Variants in ATP11C observed in about 807,000 individuals in gnomAD.
ATP11C encodes ATPase phospholipid transporting 11C (ATP11C blood group).
ATP11C carries 36 observed loss-of-function variants against 97.4 expected under a neutral mutation model. That is an observed-to-expected ratio of 0.37 (90% CI 0.28 to 0.49). The LOEUF is 0.49. Among genes scored for constraint, ATP11C ranks in the 20% least tolerant of loss-of-function variants. The probability of loss-of-function intolerance (pLI) is 0.98; values close to 1 mark genes in which losing one functional copy is unlikely to be tolerated. For missense variants in ATP11C, 730 were observed against 824.6 expected, an observed-to-expected ratio of 0.89 and a Z score of 1.40; for synonymous variants, 275 against 290.9, an observed-to-expected ratio of 0.95 and a Z score of 0.56.
chrX:139,817,090 A>C (rs1351846341), intron 3 of ATP11C, 147 bp from the exon 4 acceptor site: 1 of 346,237 alleles, frequency 2.9e-6, no homozygotes, highest in Non-Finnish European at 5.1e-6. Context: ...TTAAAACAAA[A>C]GCAAACTACA....
intron 19 of ATP11C, among the ~76,000 whole-genome samples, chrX:139,769,759 T>A (rs1184367184): frequency 9.0e-6 from 1 of 111,183 alleles, no homozygotes; most frequent in Admixed American, 9.6e-5. Context: ...GTTATCTAAT[T>A]TAATGATACT....
intron 22 of ATP11C, among the ~76,000 whole-genome samples, chrX:139,760,810 G>A (rs2082023042): frequency 9.0e-6 from 1 of 111,703 alleles, no homozygotes; most frequent in Non-Finnish European, 1.9e-5. Context: ...ATTAAATTGG[G>A]TGAGAAAAAT....
intron 1 of ATP11C, among the ~76,000 whole-genome samples, chrX:139,902,028 C>T (rs1450631692): frequency 9.0e-6 from 1 of 111,429 alleles, no homozygotes; most frequent in Non-Finnish European, 1.9e-5. Context: ...AAAAGTCAAA[C>T]TGGGGACTGC....
intron 1 of ATP11C, among the ~76,000 whole-genome samples, chrX:139,850,741 C>T (rs2083976804): frequency 9.1e-6 from 1 of 109,970 alleles, no homozygotes; most frequent in Non-Finnish European, 1.9e-5. Context: ...GGTGAAACCC[C>T]GTCTACTAAA....
At chrX:139,849,517 G>A (rs1160353047) in intron 1 of ATP11C, among the ~76,000 whole-genome samples, 4 of 111,145 alleles carry the variant, frequency 3.6e-5, no homozygotes, top group Non-Finnish European at 7.5e-5. Flanking sequence ...CACATGGTAG[G>A]AGCTCAATAA....
At chrX:139,915,779 G>A (rs2085146181) in intron 1 of ATP11C, among the ~76,000 whole-genome samples, 1 of 112,245 alleles carries the variant, frequency 8.9e-6, no homozygotes, top group Non-Finnish European at 1.9e-5. Flanking sequence ...AGTACGTTAA[G>A]TACTTTGAAA....
intron 18 of ATP11C, among the ~76,000 whole-genome samples, chrX:139,775,876 C>T (rs755939172): frequency 4.4e-5 from 5 of 112,724 alleles, no homozygotes; most frequent in African/African-American, 1.6e-4. Flanking sequence ...CTAGGGGAAT[C>T]TCTGCCCTTG....
Position 139,885,845 on chromosome X carries a change from C to T in ATP11C, c.27+46171G>A, listed in dbSNP as rs188275884. Among the ~76,000 whole-genome samples the T allele has an allele frequency of 5.0e-3, 557 of 110,559 alleles. 3 individuals are homozygous for T. The highest frequency in any genetic ancestry group is 9.2e-3 in the Middle Eastern group (2 of 217). On this transcript the variant is annotated intron_variant, in intron 1 of 29. Coordinates refer to ENST00000682941, the MANE Select transcript of ATP11C (RefSeq NM_001353812.2). Reference sequence around the variant, plus strand: ...TCAGCTAACTAGAAATCAAAAGAAACTTCCTCAACCTGGTAAAGAGCATCT... The same window carrying T: ...TCAGCTAACTAGAAATCAAAAGAAATTTCCTCAACCTGGTAAAGAGCATCT...
intron 13 of ATP11C, 109 bp downstream of exon 13, chrX:139,789,218 A>C (rs982379393): frequency 5.6e-5 from 36 of 647,427 alleles, no homozygotes; most frequent in Non-Finnish European, 8.0e-5. Context: ...AAAAAAACAA[A>C]AACACAAAAG....
At chrX:139,815,015 G>A in intron 4 of ATP11C, 30 bp from the exon 5 acceptor site, 1 of 874,615 alleles carries the variant, frequency 1.1e-6, no homozygotes, top group South Asian at 2.5e-5. Flanking sequence ...ATATAATTGA[G>A]TTCTGATAAT....
At chrX:139,729,636 AG>A (rs964303766) in intron 29 of ATP11C, among the ~76,000 whole-genome samples, 4 of 111,764 alleles carry the variant, frequency 3.6e-5, no homozygotes, top group African/African-American at 1.3e-4. Flanking sequence ...TCAAATCTGT[AG>A]ATTCTTCTCT....
intron 1 of ATP11C, among the ~76,000 whole-genome samples, chrX:139,919,749 A>G (rs371960108): frequency 6.4e-5 from 7 of 110,206 alleles, no homozygotes; most frequent in African/African-American, 9.9e-5. Context: ...GTGAAACCCC[A>G]TATCTACTAA....
At chrX:139,884,047 G>A (rs2148052217) in intron 1 of ATP11C, among the ~76,000 whole-genome samples, 1 of 111,911 alleles carries the variant, frequency 8.9e-6, no homozygotes, top group East Asian at 2.8e-4. Flanking sequence ...TCCAAAAATT[G>A]TCAAGATACA....
intron 7 of ATP11C, among the ~76,000 whole-genome samples, chrX:139,800,906 TC>T (rs766152691): frequency 2.5e-4 from 28 of 112,282 alleles, no homozygotes; most frequent in African/African-American, 9.0e-4. Context: ...GCTCATTCAT[TC>T]ATCATATATT....
chrX:139,774,699 C>T lies in ATP11C; in HGVS notation c.2207G>A (p.Ser736Asn), dbSNP rs1360138226. Residue 736 changes from serine (S) to asparagine (N), a missense_variant, in exon 19 of 30, where the codon AGC becomes AAC. Coordinates refer to ENST00000682941, the MANE Select transcript of ATP11C (RefSeq NM_001353812.2). ...LLHEFPKSTR[S>N]FKKAWTEHQE... ...TGATGTACTTTCTTACTTTTTAAAG[C>T]TTCTAGTACTTTTAGGAAACTCATG... The T allele has an allele frequency of 8.3e-7, 1 of 1,205,193 alleles. No homozygotes were observed.
intron 1 of ATP11C, among the ~76,000 whole-genome samples, chrX:139,872,623 T>C (rs1479344596): frequency 9.0e-6 from 1 of 110,506 alleles, no homozygotes; most frequent in Non-Finnish European, 1.9e-5. Flanking sequence ...TTTGGTTTTC[T>C]GTCCTTGCGA....
At chrX:139,801,389 A>C (rs746134204) in intron 7 of ATP11C, among the ~76,000 whole-genome samples, 2 of 112,102 alleles carry the variant, frequency 1.8e-5, no homozygotes, top group East Asian at 5.6e-4. Flanking sequence ...AGGAAGGGAA[A>C]GAGGAAAGAA....
intron 1 of ATP11C, among the ~76,000 whole-genome samples, chrX:139,923,763 C>T (rs188284031): frequency 2.0e-3 from 218 of 111,573 alleles, no homozygotes; most frequent in Non-Finnish European, 3.4e-3. Context: ...GATTACTGCA[C>T]CATCCAGTAT....
At chrX:139,783,383 C>T (rs2082505167) in intron 16 of ATP11C, 116 bp from the exon 17 acceptor site, 2 of 444,139 alleles carry the variant, frequency 4.5e-6, no homozygotes, top group Non-Finnish European at 7.6e-6. Flanking sequence ...TCTGAGCACA[C>T]CTTGCAATAC....
Sources: gnomAD v4.1 joint callset for allele counts (sites outside exome capture counted in the v4.1 genomes callset) on GRCh38, gnomAD v4.1.1 for gene constraint, MANE v1.5 for transcripts, NCBI Gene and HGNC (gene_info 2026-07-23, HGNC 2026-07-21) for gene names.